The following WDR36 variants were observed in gnomAD, a reference collection of about 807,000 sequenced individuals.
WDR36 encodes the protein WD repeat domain 36, also known as WD repeat-containing protein 36.
WDR36 carries 63 observed loss-of-function variants against 112.7 expected under a neutral mutation model. The observed-to-expected ratio is 0.56, with a 90% CI of 0.46 to 0.69. The LOEUF (loss-of-function observed/expected upper bound fraction) is 0.69. WDR36 is among the 30% of genes least tolerant of loss of function. The pLI is 0.00. For missense variants in WDR36, 1,226 were observed against 1,070.3 expected (o/e 1.15, Z -2.03); for synonymous variants, 410 against 362.2 (o/e 1.13, Z -1.50).
chr5:111,099,441 GTTTTTTTTTGTTTTTTTTTTTGTTTTTT>G (rs1753067410), intron 4 of WDR36, among the ~76,000 whole-genome samples: 1 of 98,206 alleles, frequency 1.0e-5, no homozygotes, highest in Non-Finnish European at 2.0e-5. Flanking sequence ...TTGCCTCTTG[GTTTTTTTTTGTTTTTTTTTTTGTTTTTT>G]TTTTTTTTTT....
At position 111,116,183 on chromosome 5, in the gene WDR36, A is replaced by T. The variant is rs991461379; in HGVS notation, c.1797-2830A>T. On this transcript the variant is annotated intron_variant, in intron 16 of 22. Coordinates refer to ENST00000513710, the MANE Select transcript of WDR36 (RefSeq NM_139281.3). ...AGGCTGATCTCAAACTCCTGACCTC[A>T]AGTGATCCACCCACCTCAGCCTCCC... 4.1e-4 allele frequency among the ~76,000 whole-genome samples: 63 copies of T among 151,824 alleles called. 1 individual carries two copies. Among genetic ancestry groups the T allele is most frequent in the African/African-American group, 1.4e-3 (59 of 41,370 alleles).
intron 3 of WDR36, among the ~76,000 whole-genome samples, chr5:111,097,839 G>C (rs926779202): frequency 6.6e-6 from 1 of 152,212 alleles, no homozygotes; most frequent in Non-Finnish European, 1.5e-5. Flanking sequence ...GACTTGGAGT[G>C]AGGTGGTTCC....
At chr5:111,105,461 T>C (rs1409679662) in intron 10 of WDR36, 101 bp downstream of exon 10, 5 of 1,074,844 alleles carry the variant, frequency 4.7e-6, no homozygotes, top group Admixed American at 3.8e-5. Context: ...TTATTTTTTC[T>C]TGGATGAACT....
In WDR36 at chr5:111,103,879, C is replaced by G; in HGVS notation, c.691C>G (p.Gln231Glu). 6.2e-7 allele frequency: 1 copy of G among 1,611,280 alleles called. No homozygotes were observed. The highest frequency in any genetic ancestry group is 8.5e-7 in the Non-Finnish European group (1 of 1,178,242). ...TAATGAAACATTAATGAAGTTTCGT[C>G]AAGACTGGGGACCCATTACTTCAAT... ...KFNETLMKFRQDWGPITSISF... is the reference protein window; with the variant it reads ...KFNETLMKFREDWGPITSISF... Residue 231 changes from glutamine to glutamate, a missense_variant, in exon 7 of 23, where the codon CAA becomes GAA. By Grantham distance (29) the Gln-to-Glu change is conservative (BLOSUM62 2). Coordinates refer to ENST00000513710, the MANE Select transcript of WDR36 (RefSeq NM_139281.3).
Position 111,119,103 on chromosome 5 carries a change from C to T in WDR36, c.1887C>T (p.His629=). 3 of 1,612,390 alleles carry T rather than the reference C, an allele frequency of 1.9e-6. No homozygotes were observed. In the South Asian group the frequency reaches 3.3e-5, roughly 18 times the overall value. ...TTCTGGCAACTTCCCATGTGGACCA[C>T]CTTGGAATTTATCTATGGTAAGTTC... ...GDFLATSHVD[H]LGIYLWSNIS... Residue 629 remains histidine (H), a synonymous_variant, in exon 17 of 23, where the codon CAC becomes CAT. Coordinates refer to ENST00000513710, the MANE Select transcript of WDR36 (RefSeq NM_139281.3).
At position 111,129,618 on chromosome 5, in the gene WDR36, G is replaced by C; in HGVS notation, c.*2735G>C. Reference sequence around the variant, plus strand: ...TTCTCTTGTATTTTCTGTATTTTATGTCTGTTGCCAATGTTTTCTCCTACT... The same window carrying C: ...TTCTCTTGTATTTTCTGTATTTTATCTCTGTTGCCAATGTTTTCTCCTACT... On this transcript the variant is annotated 3_prime_UTR_variant, in exon 23 of 23. Transcript: ENST00000513710. 4.9e-6 allele frequency: 1 copy of C among 205,740 alleles called. No individual in the cohort carries two copies. The highest frequency in any genetic ancestry group is 9.9e-6 in the Non-Finnish European group (1 of 100,790). 12.7% of individuals were successfully genotyped at this position (205,740 alleles called of 1,614,324 possible).
At position 111,104,250 on chromosome 5, in the gene WDR36, A is replaced by C; in HGVS notation, c.804A>C (p.Leu268Phe). ...IGLWDLEDKK[L>F]INQMRNAHST... is the part of the protein sequence containing the mutation. ...TCTGGGATCTAGAAGACAAAAAATTAATCAACCAAATGAGAAATGCACACT... is the reference window on the plus strand; with the variant it reads ...TCTGGGATCTAGAAGACAAAAAATTCATCAACCAAATGAGAAATGCACACT... Residue 268 changes from leucine (L) to phenylalanine (F), a missense_variant, in exon 8 of 23, where the codon TTA (leucine) becomes TTC (phenylalanine). Transcript: ENST00000513710. 1.1e-5 allele frequency: 17 copies of C among 1,612,046 alleles called. No homozygotes were observed. The highest frequency in any genetic ancestry group is 1.4e-5 in the Non-Finnish European group (17 of 1,178,578).
chr5:111,095,042 G>A (rs1752946719), intron 2 of WDR36, 95 bp downstream of exon 2: 2 of 1,159,448 alleles, frequency 1.7e-6, no homozygotes, highest in Non-Finnish European at 2.5e-6. Context: ...AGGAAGCCAA[G>A]GTAACATGTA....
chr5:111,123,801 T>C lies in WDR36; in HGVS notation c.2149-4T>C, dbSNP rs1753618483. ...ATTTTTCTTTCTCATTTTCTCTTAA[T>C]CAGAAAAAGAATAAACCAAAGGAAC... On this transcript the variant is annotated splice_region_variant and splice_polypyrimidine_tract_variant and intron_variant, in intron 19 of 22. Transcript: ENST00000513710. 6.2e-7 allele frequency: 1 copy of C among 1,613,406 alleles called. No homozygotes were observed. Among genetic ancestry groups the C allele is most frequent in the African/African-American group, 1.3e-5 (1 of 75,050 alleles).
rs749354517 is a variant in WDR36 at position 111,106,158 on chromosome 5, A to G, written c.1180+15A>G. On this transcript the variant is annotated intron_variant, in intron 11 of 22. Transcript: ENST00000513710. ...GTTTGCAGCAGGTAAGTAACTTCAA[A>G]CTGTGTTTTGAGAAGTTCTCCTTTG... The G allele has an allele frequency of 3.7e-6, 6 of 1,601,978 alleles. No homozygotes were observed. Among genetic ancestry groups the G allele is most frequent in the Non-Finnish European group, 5.1e-6 (6 of 1,170,044 alleles).
intron 2 of WDR36, among the ~76,000 whole-genome samples, chr5:111,096,386 T>A (rs568202501): frequency 6.6e-6 from 1 of 152,290 alleles, no homozygotes; most frequent in South Asian, 2.1e-4. Context: ...TTTCTGGAGT[T>A]ATTAGTGAAC....
intron 2 of WDR36, chr5:111,095,154 G>GTTGTGCT: frequency 1.8e-6 from 1 of 547,990 alleles, no homozygotes; most frequent in South Asian, 2.2e-5. Context: ...ATCTGGAACT[G>GTTGTGCT]TTCTTTAGAC....
intron 8 of WDR36, 129 bp from the exon 9 acceptor site, chr5:111,104,568 C>G: frequency 6.8e-7 from 1 of 1,461,340 alleles, no homozygotes; most frequent in South Asian, 1.1e-5. Context: ...CACTCCCTCC[C>G]TTGTAGCTCC....
chr5:111,125,528 T>G, intron 21 of WDR36, 80 bp from the exon 22 acceptor site: 2 of 1,358,330 alleles, frequency 1.5e-6, no homozygotes, highest in Non-Finnish European at 2.0e-6. Context: ...TATATCCTAT[T>G]TGGGGTATAA....
Position 111,107,338 on chromosome 5 carries a change from C to G in WDR36, c.1225C>G (p.Gln409Glu). The change falls in exon 12 of 23, where the codon CAA becomes GAA. Residue 409 changes from glutamine to glutamate, a missense_variant. By Grantham distance (29) the Gln-to-Glu change is conservative. Transcript: ENST00000513710. ...SDWDGIIACH[Q>E]GKLSCSTWNY... ...CTGGGATGGTATCATTGCTTGCCAT[C>G]AAGGTAAGCTATCTTGCTCAACCTG... 1 of 1,610,490 alleles carries G rather than the reference C, an allele frequency of 6.2e-7. No homozygotes were observed. The highest frequency in any genetic ancestry group is 8.5e-7 in the Non-Finnish European group (1 of 1,177,690).
rs1412721723 is a variant in WDR36, at chr5:111,129,129, C to G, written c.*2246C>G. The G allele has an allele frequency of 1.5e-5, 3 of 198,116 alleles. No individual in the cohort carries two copies. Among genetic ancestry groups the G allele is most frequent in the Non-Finnish European group, 3.1e-5 (3 of 95,726 alleles). The allele number at this position is 198,116 out of a possible 1,614,324, so 12.3% of individuals were successfully genotyped here. A position where few individuals can be genotyped will look rare whatever the true frequency, so the allele number is the denominator to read the frequency against. ...ATCTCTTGTGCACTGTCCAACAGTA[C>G]TTTGCCTATAATAGACACTTAAGGA... is the stretch of plus-strand genomic sequence containing the variant. On this transcript the variant is annotated 3_prime_UTR_variant, in exon 23 of 23. Transcript: ENST00000513710.
Position 111,123,822 on chromosome 5 carries a change from G to T in WDR36, c.2166G>T (p.Lys722Asn), listed in dbSNP as rs1044067240. ...LDVIKKKNKP[K>N]EPPKVPKSAP... ...TTAATCAGAAAAAGAATAAACCAAAGGAACCACCCAAAGTACCCAAATCAG... is the reference window on the plus strand; with the variant it reads ...TTAATCAGAAAAAGAATAAACCAAATGAACCACCCAAAGTACCCAAATCAG... The change falls in exon 20 of 23, where the codon AAG becomes AAT. Residue 722 changes from lysine to asparagine, a missense_variant. By Grantham distance (94) the Lys-to-Asn change is moderately conservative. Coordinates refer to ENST00000513710, the MANE Select transcript of WDR36 (RefSeq NM_139281.3). The T allele has an allele frequency of 1.2e-6, 2 of 1,613,666 alleles. No individual in the cohort carries two copies. The highest frequency in any genetic ancestry group is 4.5e-5 in the East Asian group (2 of 44,834).
chr5:111,122,209 C>G (rs1269692874), intron 19 of WDR36, among the ~76,000 whole-genome samples: 1 of 152,092 alleles, frequency 6.6e-6, no homozygotes, highest in Non-Finnish European at 1.5e-5. Context: ...TGAAATAGTT[C>G]AAATGCAAGG....
chr5:111,104,957 C>A, intron 9 of WDR36, 140 bp downstream of exon 9: 1 of 1,299,828 alleles, frequency 7.7e-7, no homozygotes, highest in South Asian at 1.2e-5. Context: ...ACTAAGAGTC[C>A]TTTTTGTCTA....
Sources: allele counts gnomAD v4.1 joint callset (sites outside exome capture counted in the v4.1 genomes callset), GRCh38; gene constraint gnomAD v4.1.1; transcripts MANE v1.5; gene names NCBI Gene and HGNC (gene_info 2026-07-23, HGNC 2026-07-21).